Variants in CRK observed in about 807,000 individuals in gnomAD.
CRK encodes adapter molecule crk.
CRK carries 4 observed loss-of-function variants against 29.8 expected under a neutral mutation model. That is an observed-to-expected ratio of 0.13 (90% confidence interval 0.07 to 0.31). The LOEUF (loss-of-function observed/expected upper bound fraction) is 0.31. Ranked by LOEUF, CRK falls within the 10% of genes least tolerant of loss-of-function variation. The pLI, the probability that CRK is intolerant of heterozygous loss-of-function variation, is 1.00. For missense variants in CRK, 274 were observed against 396.5 expected, an observed-to-expected ratio of 0.69 and a Z score of 2.62; for synonymous variants, 153 against 164.9, an observed-to-expected ratio of 0.93 and a Z score of 0.55.
intron 2 of CRK, among the ~76,000 whole-genome samples, chr17:1,433,073 T>C (rs1464598044): frequency 1.3e-5 from 2 of 152,262 alleles, no homozygotes; most frequent in Middle Eastern, 3.4e-3. Context: ...CTCTGTGTCG[T>C]TTTCAAGGCT....
chr17:1,446,036 G>A (rs941124717), intron 1 of CRK, among the ~76,000 whole-genome samples: 2 of 152,072 alleles, frequency 1.3e-5, no homozygotes, highest in African/African-American at 4.8e-5. Flanking sequence ...GTACTGGGAT[G>A]ACAGGCATGA....
At chr17:1,447,458 T>C (rs1036200407) in intron 1 of CRK, among the ~76,000 whole-genome samples, 3 of 152,044 alleles carry the variant, frequency 2.0e-5, no homozygotes, top group African/African-American at 7.2e-5. Context: ...AAGCCTCAGG[T>C]TACGACCATT....
chr17:1,452,537 C>T (rs1329724909), intron 1 of CRK, among the ~76,000 whole-genome samples: 1 of 152,100 alleles, frequency 6.6e-6, no homozygotes, highest in Non-Finnish European at 1.5e-5. Flanking sequence ...TCTGTAATCC[C>T]AGCACTTTGG....
chr17:1,448,633 AAAAAAAAAAG>A (rs1467793370), intron 1 of CRK, among the ~76,000 whole-genome samples: 4 of 146,442 alleles, frequency 2.7e-5, no homozygotes, highest in African/African-American at 1.0e-4. Context: ...AAAAAAAAAA[AAAAAAAAAAG>A]AAAAAGTGGC....
chr17:1,427,863 G>C (rs2073796472), intron 2 of CRK, among the ~76,000 whole-genome samples: 1 of 151,816 alleles, frequency 6.6e-6, no homozygotes, highest in African/African-American at 2.4e-5. Flanking sequence ...TCGAACTCCT[G>C]ACCTCATGAC....
At chr17:1,455,042 G>A (rs999362946) in intron 1 of CRK, among the ~76,000 whole-genome samples, 2 of 152,146 alleles carry the variant, frequency 1.3e-5, no homozygotes, top group African/African-American at 2.4e-5. Context: ...TAAGTCCAAG[G>A]AAAATGAAGT....
At chr17:1,452,513 G>A (rs2074025474) in intron 1 of CRK, among the ~76,000 whole-genome samples, 1 of 152,106 alleles carries the variant, frequency 6.6e-6, no homozygotes, top group Admixed American at 6.6e-5. Context: ...CAGGCCAGGC[G>A]CTGGTGGCTC....
chr17:1,437,189 T>G (rs1266165860), intron 1 of CRK, 34 bp from the exon 2 acceptor site: 2 of 1,532,466 alleles, frequency 1.3e-6, no homozygotes, highest in Non-Finnish European at 1.8e-6. Context: ...TATTTAATGA[T>G]GTACTACACT....
intron 1 of CRK, among the ~76,000 whole-genome samples, chr17:1,443,671 T>A (rs1353036757): frequency 1.3e-5 from 2 of 151,902 alleles, no homozygotes; most frequent in East Asian, 3.9e-4. Flanking sequence ...AGTGCTGGAA[T>A]TACAGGCGTG....
At position 1,423,488 on chromosome 17, in the gene CRK, T is replaced by C. The variant is rs1213726332; in HGVS notation, c.*25A>G. 3 of 1,586,004 alleles carry C rather than the reference T, an allele frequency of 1.9e-6. No homozygotes were observed. The highest frequency in any genetic ancestry group is 2.6e-6 in the Non-Finnish European group (3 of 1,166,832). ...AAAAAAAAAAAAGATTGTTCCCATCTGTCAGCAAAACTGTTGAACTATACT... is the reference window on the plus strand; with the variant it reads ...AAAAAAAAAAAAGATTGTTCCCATCCGTCAGCAAAACTGTTGAACTATACT... On this transcript the variant is annotated 3_prime_UTR_variant, in exon 3 of 3. Coordinates refer to ENST00000300574, the MANE Select transcript of CRK (RefSeq NM_016823.4).
intron 1 of CRK, among the ~76,000 whole-genome samples, chr17:1,450,920 C>T (rs906343107): frequency 2.6e-5 from 4 of 151,684 alleles, no homozygotes; most frequent in Non-Finnish European, 5.9e-5. Context: ...AGGCCGGGCG[C>T]GGTGGCTCAC....
intron 1 of CRK, among the ~76,000 whole-genome samples, chr17:1,449,415 G>A (rs1051002426): frequency 1.2e-4 from 18 of 152,164 alleles, no homozygotes; most frequent in African/African-American, 4.3e-4. Flanking sequence ...TCGTATACAT[G>A]AAATGCTTAT....
chr17:1,433,406 A>G (rs2073861155), intron 2 of CRK, among the ~76,000 whole-genome samples: 1 of 151,772 alleles, frequency 6.6e-6, no homozygotes, highest in African/African-American at 2.4e-5. Flanking sequence ...AAGTACAGAG[A>G]GGCAGCACAG....
intron 1 of CRK, among the ~76,000 whole-genome samples, chr17:1,439,687 TA>T (rs1041420256): frequency 1.3e-5 from 2 of 151,206 alleles, no homozygotes; most frequent in Non-Finnish European, 2.9e-5. Context: ...GCAAAAAACT[TA>T]AAAAATTAGC....
At chr17:1,443,634 C>G (rs574255628) in intron 1 of CRK, among the ~76,000 whole-genome samples, 1 of 151,006 alleles carries the variant, frequency 6.6e-6, no homozygotes, top group East Asian at 2.0e-4. Flanking sequence ...CTCCTGACCT[C>G]GTGATCCACC....
intron 1 of CRK, among the ~76,000 whole-genome samples, chr17:1,437,527 G>T: frequency 6.6e-6 from 1 of 152,126 alleles, no homozygotes; most frequent in South Asian, 2.1e-4. Flanking sequence ...GGATGAGGAG[G>T]CCAGGAGACT....
Position 1,455,961 on chromosome 17 carries a change from C to G in CRK, c.157G>C (p.Glu53Gln). 6.2e-7 allele frequency: 1 copy of G among 1,602,792 alleles called. No homozygotes were observed. Among genetic ancestry groups the G allele is most frequent in the Non-Finnish European group, 8.5e-7 (1 of 1,175,958 alleles). Reference protein sequence around the residue: ...SPGDYVLSVSENSRVSHYIIN... With the variant: ...SPGDYVLSVSQNSRVSHYIIN... ...ATGTAGTGGGAGACGCGCGAGTTCT[C>G]TGAGACGCTGAGCACATAGTCCCCG... is the stretch of plus-strand genomic sequence containing the variant. Residue 53 changes from glutamate to glutamine, a missense_variant, in exon 1 of 3, where the codon GAG becomes CAG. Glu to Gln is a conservative substitution (Grantham distance 29). Around this residue, in one of 3 missense-constraint regions of CRK, gnomAD observed 135 missense variants for 180.9 expected, o/e 0.75. Transcript: ENST00000300574.
At chr17:1,425,491 C>G (rs2073769922) in intron 2 of CRK, among the ~76,000 whole-genome samples, 1 of 152,078 alleles carries the variant, frequency 6.6e-6, no homozygotes, top group Non-Finnish European at 1.5e-5. Flanking sequence ...AACTCTTGGG[C>G]TCATGGGATC....
chr17:1,455,531 C>A (rs2074049381), intron 1 of CRK, among the ~76,000 whole-genome samples: 1 of 152,188 alleles, frequency 6.6e-6, no homozygotes, highest in Non-Finnish European at 1.5e-5. Context: ...AAGTGATGCC[C>A]CCGCAGTGCC....
Sources: allele counts gnomAD v4.1 joint callset (sites outside exome capture counted in the v4.1 genomes callset), GRCh38; gene constraint gnomAD v4.1.1; regional missense constraint gnomAD v4.1.1; transcripts MANE v1.5; gene names NCBI Gene and HGNC (gene_info 2026-07-23, HGNC 2026-07-21).